Variants in GABBR2 observed in about 807,000 individuals in gnomAD.
GABBR2 encodes gamma-aminobutyric acid type B receptor subunit 2, also known as G-protein coupled receptor 51.
GABBR2 carries 23 observed loss-of-function variants against 105.6 expected under a neutral mutation model. The ratio of observed to expected loss-of-function variants is 0.22; its 90% CI spans 0.16 to 0.31. GABBR2 has a LOEUF of 0.31. Ranked by LOEUF, GABBR2 falls within the 10% of genes least tolerant of loss-of-function variation. The pLI is 1.00. For synonymous variants in GABBR2, 478 were observed against 499.7 expected (o/e 0.96, Z 0.58); for missense variants, 734 against 1,245.5 (o/e 0.59, Z 6.18).
rs776395928 is a variant in GABBR2 at position 98,541,996 on chromosome 9, G to A, written c.507C>T (p.Tyr169=). ...ATGGGACGGTCCGAAAGAAATAAGG[G>A]TATTTTTTCTTATCGGCTAGAACAG... ...TTPVLADKKK[Y]PYFFRTVPSD... Residue 169 remains tyrosine (Y), a synonymous_variant, in exon 3 of 19, where the codon TAC becomes TAT. Coordinates refer to ENST00000259455, the MANE Select transcript of GABBR2 (RefSeq NM_005458.8). 5.6e-6 allele frequency: 9 copies of A among 1,614,010 alleles called. No individual in the cohort carries two copies. Among genetic ancestry groups the A allele is most frequent in the African/African-American group, 1.3e-5 (1 of 75,060 alleles).
chr9:98,641,446 CTG>C (rs1228049087), intron 1 of GABBR2, among the ~76,000 whole-genome samples: 2 of 152,030 alleles, frequency 1.3e-5, no homozygotes, highest in East Asian at 1.9e-4. Context: ...AGCCAAAAAT[CTG>C]TGTTTTAAAG....
In GABBR2 at chr9:98,436,331, T is replaced by TAC. The variant is rs371477170; in HGVS notation, c.1236+17648_1236+17649dup. On this transcript the variant is annotated intron_variant, in intron 7 of 18. Transcript: ENST00000259455. ...CATAAATATACCATATATATATATA[T>TAC]ACACACACACACACACCATATATAT... Among the ~76,000 whole-genome samples, 5 of 26,292 alleles carry TAC rather than the reference T, an allele frequency of 1.9e-4. 1 individual carries two copies. Among genetic ancestry groups the TAC allele is most frequent in the South Asian group, 1.3e-3 (1 of 778 alleles). 17.2% of individuals were successfully genotyped at this position (26,292 alleles called of 152,430 possible).
intron 1 of GABBR2, among the ~76,000 whole-genome samples, chr9:98,641,239 T>C (rs1829958047): frequency 6.6e-6 from 1 of 151,782 alleles, no homozygotes; most frequent in Non-Finnish European, 1.5e-5. Flanking sequence ...GTTCAAGTAA[T>C]TCTCCTGCCT....
At chr9:98,481,756 AC>A (rs1826926844) in intron 4 of GABBR2, among the ~76,000 whole-genome samples, 1 of 152,252 alleles carries the variant, frequency 6.6e-6, no homozygotes, top group African/African-American at 2.4e-5. Flanking sequence ...AGTGCCTAGC[AC>A]ATAGTGAGTG....
chr9:98,482,546 T>C (rs1826947623), intron 4 of GABBR2, among the ~76,000 whole-genome samples: 1 of 152,198 alleles, frequency 6.6e-6, no homozygotes, highest in African/African-American at 2.4e-5. Context: ...ACAGTACCCA[T>C]GCATCCATCC....
chr9:98,689,262 T>C (rs970854411), intron 1 of GABBR2, among the ~76,000 whole-genome samples: 1 of 152,214 alleles, frequency 6.6e-6, no homozygotes, highest in Non-Finnish European at 1.5e-5. Context: ...GGAACCAGAC[T>C]GCCTCAGTTT....
chr9:98,307,480 C>T (rs10985808), intron 14 of GABBR2, among the ~76,000 whole-genome samples: 19,484 of 152,182 alleles, frequency 0.13, 1,526 homozygotes, highest in Middle Eastern at 0.21. Context: ...CTCTTCCCTT[C>T]GGCTTCAGCA....
intron 1 of GABBR2, among the ~76,000 whole-genome samples, chr9:98,670,240 ACAGT>A (rs1830390571): frequency 6.6e-6 from 1 of 152,036 alleles, no homozygotes; most frequent in African/African-American, 2.4e-5. Context: ...CACAATCACC[ACAGT>A]CAATTATAGA....
chr9:98,432,438 C>G (rs1385114127), intron 7 of GABBR2, among the ~76,000 whole-genome samples: 1 of 152,068 alleles, frequency 6.6e-6, no homozygotes, highest in Non-Finnish European at 1.5e-5. Flanking sequence ...AACTTTGGTT[C>G]TAAAAATCCC....
In GABBR2 at chr9:98,444,874, C is replaced by T. The variant is rs532413169; in HGVS notation, c.1236+9107G>A. Among the ~76,000 whole-genome samples the T allele has an allele frequency of 2.0e-4, 20 of 99,266 alleles. No individual in the cohort carries two copies. In the South Asian group the frequency reaches 2.9e-3, roughly 14 times the overall value. The allele number at this position is 99,266 out of a possible 152,430, so 65.1% of individuals were successfully genotyped here. A position where few individuals can be genotyped will look rare whatever the true frequency, so the allele number is the denominator to read the frequency against. On this transcript the variant is annotated intron_variant, in intron 7 of 18. Coordinates refer to ENST00000259455, the MANE Select transcript of GABBR2 (RefSeq NM_005458.8). Reference sequence around the variant, plus strand: ...GTGCACATGCATATGCACATGCGCGCGCGCGCACACACACACACACACACA... The same window carrying T: ...GTGCACATGCATATGCACATGCGCGTGCGCGCACACACACACACACACACA...
chr9:98,672,754 C>G (rs981074756), intron 1 of GABBR2, among the ~76,000 whole-genome samples: 3 of 152,174 alleles, frequency 2.0e-5, no homozygotes, highest in Admixed American at 1.3e-4. Context: ...GGGAACTAGA[C>G]AGTTTATCTT....
chr9:98,456,643 A>AT (rs1220155825), intron 6 of GABBR2, among the ~76,000 whole-genome samples: 2 of 152,200 alleles, frequency 1.3e-5, no homozygotes, highest in African/African-American at 4.8e-5. Context: ...GAGCACACCT[A>AT]TTCACACATT....
chr9:98,479,907 G>A (rs1220937150), intron 5 of GABBR2, among the ~76,000 whole-genome samples: 1 of 152,160 alleles, frequency 6.6e-6, no homozygotes, highest in Non-Finnish European at 1.5e-5. Flanking sequence ...CTACCACTTG[G>A]ACTTAGGCAG....
intron 3 of GABBR2, among the ~76,000 whole-genome samples, chr9:98,513,359 G>C (rs1315340330): frequency 6.6e-6 from 1 of 152,138 alleles, no homozygotes; most frequent in Non-Finnish European, 1.5e-5. Flanking sequence ...AGGACTTCAT[G>C]TCTAAAACAC....
At chr9:98,673,832 C>G (rs968406323) in intron 1 of GABBR2, among the ~76,000 whole-genome samples, 2 of 152,154 alleles carry the variant, frequency 1.3e-5, no homozygotes, top group African/African-American at 4.8e-5. Context: ...CCTTGTCTGA[C>G]CTACGCTCAC....
intron 8 of GABBR2, 126 bp from the exon 9 acceptor site, chr9:98,394,381 A>C: frequency 1.5e-6 from 1 of 673,262 alleles, no homozygotes; most frequent in Non-Finnish European, 2.7e-6. Flanking sequence ...CCTTTCTCCA[A>C]TGCCTCTTCT....
At chr9:98,550,065 A>C (rs1828460932) in intron 2 of GABBR2, among the ~76,000 whole-genome samples, 1 of 152,236 alleles carries the variant, frequency 6.6e-6, no homozygotes, top group South Asian at 2.1e-4. Flanking sequence ...TGGAGCGTCA[A>C]GATAGTCCTG....
intron 1 of GABBR2, among the ~76,000 whole-genome samples, chr9:98,664,189 C>T (rs1410453282): frequency 6.6e-6 from 1 of 152,176 alleles, no homozygotes; most frequent in African/African-American, 2.4e-5. Flanking sequence ...ACTGTTTCTC[C>T]CACTTTCCTA....
chr9:98,393,483 T>C (rs1331326569), intron 9 of GABBR2, among the ~76,000 whole-genome samples: 1 of 142,862 alleles, frequency 7.0e-6, no homozygotes, highest in African/African-American at 2.8e-5. Flanking sequence ...ATCCATCCAC[T>C]CATCCACCAG....
Sources: gnomAD v4.1 joint callset for allele counts (sites outside exome capture counted in the v4.1 genomes callset) on GRCh38, gnomAD v4.1.1 for gene constraint, MANE v1.5 for transcripts, NCBI Gene and HGNC (gene_info 2026-07-23, HGNC 2026-07-21) for gene names.